SEC63: variants seen among roughly 807,000 people sequenced by gnomAD.
SEC63 encodes the protein SEC63 protein translocation regulator, also known as translocation protein SEC63 homolog.
Under a neutral mutation model 116.2 loss-of-function variants are expected in SEC63, and 56 were observed. The observed-to-expected ratio is 0.48, with a 90% CI of 0.39 to 0.60. The LOEUF is 0.60. SEC63 is among the 20% of genes least tolerant of loss of function. The pLI, the probability that SEC63 is intolerant of heterozygous loss-of-function variation, is 0.00. For synonymous variants in SEC63, 273 were observed against 294.6 expected, an observed-to-expected ratio of 0.93 and a Z score of 0.75; for missense variants, 668 against 900.0, an observed-to-expected ratio of 0.74 and a Z score of 3.30.
chr6:107,926,907 G>A (rs1787688113), intron 2 of SEC63, among the ~76,000 whole-genome samples: 1 of 152,130 alleles, frequency 6.6e-6, no homozygotes. Context: ...AACCAATAAA[G>A]CCATGCTCTA....
chr6:107,869,439 T>C lies in SEC63; in HGVS notation c.*2265A>G, dbSNP rs1023692733. The C allele has an allele frequency of 6.6e-6, 1 of 152,236 alleles. No individual in the cohort carries two copies. The highest frequency in any genetic ancestry group is 2.4e-5 in the African/African-American group (1 of 41,464). The allele number at this position is 152,236 out of a possible 1,614,324, so 9.4% of individuals were successfully genotyped here. A position where few individuals can be genotyped will look rare whatever the true frequency, so the allele number is the denominator to read the frequency against. On this transcript the variant is annotated 3_prime_UTR_variant, in exon 21 of 21. Transcript: ENST00000369002. The stretch of plus-strand genomic sequence containing the variant: ...TTTCAATTTCACTTCCTATACACTG[T>C]ATGATCTATAGGCTCATCAATTGTT...
chr6:107,938,845 G>A (rs959418530), intron 1 of SEC63, among the ~76,000 whole-genome samples: 4 of 152,034 alleles, frequency 2.6e-5, no homozygotes, highest in African/African-American at 7.2e-5. Flanking sequence ...ATGAGCCACC[G>A]CCCACGCCCA....
Position 107,924,764 on chromosome 6 carries a change from A to T in SEC63, c.339+54T>A, listed in dbSNP as rs544522054. On this transcript the variant is annotated intron_variant, in intron 3 of 20. Coordinates refer to ENST00000369002, the MANE Select transcript of SEC63 (RefSeq NM_007214.5). ...AATTTCTTTTAGAATGAGGACCTAT[A>T]GCATTTTCATGGGACCATTAAACTA... 4.3e-5 allele frequency: 37 copies of T among 850,592 alleles called. No individual in the cohort carries two copies. The Admixed American group carries it at 4.5e-4, about 10-fold the overall frequency. 52.7% of individuals were successfully genotyped at this position (850,592 alleles called of 1,614,324 possible).
At chr6:107,906,970 A>G (rs1262676311) in intron 8 of SEC63, among the ~76,000 whole-genome samples, 193 bp from the exon 9 acceptor site, 1 of 152,200 alleles carries the variant, frequency 6.6e-6, no homozygotes, top group Non-Finnish European at 1.5e-5. Flanking sequence ...AAATGTACAC[A>G]GTATCAACCA....
At chr6:107,938,532 A>ACCGC (rs1188243521) in intron 1 of SEC63, among the ~76,000 whole-genome samples, 6 of 150,866 alleles carry the variant, frequency 4.0e-5, no homozygotes, top group African/African-American at 1.2e-4. Flanking sequence ...GTTGTGAGAC[A>ACCGC]CCACATCTGG....
chr6:107,914,841 T>G (rs1787363017), intron 4 of SEC63, among the ~76,000 whole-genome samples: 1 of 152,140 alleles, frequency 6.6e-6, no homozygotes, highest in African/African-American at 2.4e-5. Context: ...CAAACTGCTC[T>G]GTCCTCTATA....
intron 16 of SEC63, among the ~76,000 whole-genome samples, chr6:107,891,206 C>T (rs1344775940): frequency 6.6e-6 from 1 of 152,134 alleles, no homozygotes; most frequent in Non-Finnish European, 1.5e-5. Context: ...GTATACCAAT[C>T]AAACATAGAT....
At chr6:107,920,406 A>G (rs1287346052) in intron 4 of SEC63, among the ~76,000 whole-genome samples, 1 of 140,562 alleles carries the variant, frequency 7.1e-6, no homozygotes, top group African/African-American at 2.7e-5. Flanking sequence ...AGCCTGGGCG[A>G]AAGAGCGAGA....
chr6:107,928,676 G>A (rs1254987445), intron 2 of SEC63, among the ~76,000 whole-genome samples: 2 of 152,054 alleles, frequency 1.3e-5, no homozygotes, highest in Non-Finnish European at 2.9e-5. Flanking sequence ...GATAAATGTA[G>A]GTAATTCACA....
intron 1 of SEC63, 31 bp downstream of exon 1, chr6:107,957,855 G>C (rs948428484): frequency 1.3e-6 from 2 of 1,596,012 alleles, no homozygotes; most frequent in Admixed American, 1.7e-5. Context: ...GGGCCTGCGC[G>C]GGTTCGCGGG....
At chr6:107,930,630 G>C (rs962397285) in intron 1 of SEC63, among the ~76,000 whole-genome samples, 1 of 151,492 alleles carries the variant, frequency 6.6e-6, no homozygotes, top group African/African-American at 2.4e-5. Context: ...AAAAAAAGTA[G>C]AGTAAAATTC....
At position 107,913,053 on chromosome 6, in the gene SEC63, C is replaced by T. The variant is rs560474517; in HGVS notation, c.515-279G>A. On this transcript the variant is annotated intron_variant, in intron 5 of 20. Transcript: ENST00000369002. ...AATTATTTTATATGTCCTGAGTTTA[C>T]ATAAACACTATGAACACATGAGAAA... is the stretch of plus-strand genomic sequence containing the variant. 5.3e-5 allele frequency among the ~76,000 whole-genome samples: 8 copies of T among 152,190 alleles called. No homozygotes were observed. In the South Asian group the frequency reaches 1.7e-3, roughly 32 times the overall value.
At chr6:107,906,622 A>T (rs754157554) in intron 9 of SEC63, 42 bp from the exon 10 acceptor site, 42 of 1,605,004 alleles carry the variant, frequency 2.6e-5, no homozygotes, top group South Asian at 3.3e-5. Context: ...CGCTTTTTTT[A>T]AAAAAAGTAT....
At chr6:107,890,147 T>C (rs1049167945) in intron 16 of SEC63, among the ~76,000 whole-genome samples, 22 of 151,756 alleles carry the variant, frequency 1.4e-4, no homozygotes, top group African/African-American at 5.1e-4. Flanking sequence ...GTTAATTTTC[T>C]GTCTAATATT....
At chr6:107,921,557 C>T (rs1431733103) in intron 4 of SEC63, among the ~76,000 whole-genome samples, 6 of 151,562 alleles carry the variant, frequency 4.0e-5, no homozygotes, top group South Asian at 2.1e-4. Flanking sequence ...GCTCAAACAA[C>T]GCTCCCACCT....
intron 18 of SEC63, among the ~76,000 whole-genome samples, chr6:107,880,050 C>T (rs1440719924): frequency 6.6e-6 from 1 of 152,206 alleles, no homozygotes; most frequent in Non-Finnish European, 1.5e-5. Context: ...TGCTTCATTT[C>T]AGGATGCTTG....
At chr6:107,944,136 A>G (rs953393436) in intron 1 of SEC63, among the ~76,000 whole-genome samples, 1 of 152,242 alleles carries the variant, frequency 6.6e-6, no homozygotes, top group Non-Finnish European at 1.5e-5. Context: ...GAGATGAATC[A>G]AGAGTAACTT....
intron 1 of SEC63, among the ~76,000 whole-genome samples, chr6:107,930,550 T>A (rs1787777937): frequency 6.6e-6 from 1 of 151,152 alleles, no homozygotes; most frequent in Admixed American, 6.6e-5. Flanking sequence ...GAGGTTGCAG[T>A]GAGCCGAGAT....
In SEC63 at chr6:107,949,202, T is replaced by C. The variant is rs138028772; in HGVS notation, c.124+8684A>G. 3.1e-3 allele frequency among the ~76,000 whole-genome samples: 466 copies of C among 152,344 alleles called. 3 individuals carry two copies. The highest frequency in any genetic ancestry group is 0.011 in the African/African-American group (437 of 41,576). ...AAAGATGTAATTAGGGGAAATCAAA[T>C]ACTGAAAGAGGTGGGAAAGGAGCTA... On this transcript the variant is annotated intron_variant, in intron 1 of 20. Coordinates refer to ENST00000369002, the MANE Select transcript of SEC63 (RefSeq NM_007214.5).
Sources: allele counts gnomAD v4.1 joint callset (sites outside exome capture counted in the v4.1 genomes callset), GRCh38; gene constraint gnomAD v4.1.1; transcripts MANE v1.5; gene names NCBI Gene and HGNC (gene_info 2026-07-23, HGNC 2026-07-21).